The following PPP6R3 variants were observed in gnomAD, a reference collection of about 807,000 sequenced individuals.
PPP6R3 encodes protein phosphatase 6 regulatory subunit 3.
A neutral mutation model predicts 110.7 loss-of-function variants in PPP6R3; 38 were observed. The observed-to-expected ratio is 0.34, with a 90% confidence interval of 0.26 to 0.45. PPP6R3 has a LOEUF of 0.45. Ranked by LOEUF, PPP6R3 falls within the 20% of genes least tolerant of loss-of-function variation. The pLI is 1.00. For missense variants in PPP6R3, 870 were observed against 1,062.4 expected (o/e 0.82, Z 2.52); for synonymous variants, 369 against 373.5 (o/e 0.99, Z 0.14).
intron 19 of PPP6R3, among the ~76,000 whole-genome samples, chr11:68,599,974 T>G (rs757516400): frequency 2.0e-5 from 3 of 152,104 alleles, no homozygotes; most frequent in Admixed American, 1.3e-4. Context: ...TACAAAAAAT[T>G]AGCCAGGCGT....
At chr11:68,468,228 C>T (rs780757548) in intron 1 of PPP6R3, among the ~76,000 whole-genome samples, 20 of 152,188 alleles carry the variant, frequency 1.3e-4, no homozygotes, top group Non-Finnish European at 2.1e-4. Flanking sequence ...CTGGATTTTA[C>T]TTAGAATTCA....
At chr11:68,611,648 A>G (rs1310613546) in intron 23 of PPP6R3, among the ~76,000 whole-genome samples, 1 of 152,122 alleles carries the variant, frequency 6.6e-6, no homozygotes, top group Non-Finnish European at 1.5e-5. Flanking sequence ...ACGGACACCC[A>G]GTGGTCTCGG....
intron 1 of PPP6R3, among the ~76,000 whole-genome samples, chr11:68,519,236 C>T (rs926237254): frequency 6.6e-6 from 1 of 152,128 alleles, no homozygotes; most frequent in African/African-American, 2.4e-5. Flanking sequence ...TATTTTTCTT[C>T]TTCACTCATT....
chr11:68,474,131 A>G (rs1565249159), intron 1 of PPP6R3, among the ~76,000 whole-genome samples: 1 of 151,758 alleles, frequency 6.6e-6, no homozygotes, highest in South Asian at 2.1e-4. Context: ...TACAGCTTCA[A>G]ACTCCTGGGC....
chr11:68,600,379 A>G lies in PPP6R3; in HGVS notation c.2077A>G (p.Thr693Ala). ...AGCTAACTTTGATGTCCCAATGGAAACAACCCACGGTGCTCCATTGGATTC... is the reference window on the plus strand; with the variant it reads ...AGCTAACTTTGATGTCCCAATGGAAGCAACCCACGGTGCTCCATTGGATTC... Reference protein sequence around the residue: ...WSANFDVPMETTHGAPLDSVG... With the variant: ...WSANFDVPMEATHGAPLDSVG... Residue 693 changes from threonine (T) to alanine (A), a missense_variant, in exon 20 of 24, where the codon ACA (threonine) becomes GCA (alanine). Transcript: ENST00000393800. The G allele has an allele frequency of 6.2e-7, 1 of 1,614,102 alleles. No homozygotes were observed. Among genetic ancestry groups the G allele is most frequent in the East Asian group, 2.2e-5 (1 of 44,882 alleles).
intron 1 of PPP6R3, among the ~76,000 whole-genome samples, chr11:68,483,556 C>T (rs2098928780): frequency 6.7e-6 from 1 of 149,582 alleles, no homozygotes; most frequent in African/African-American, 2.5e-5. Flanking sequence ...GATCTCGGCT[C>T]ATTGTAACCT....
At chr11:68,474,560 T>C (rs934572062) in intron 1 of PPP6R3, among the ~76,000 whole-genome samples, 1 of 152,224 alleles carries the variant, frequency 6.6e-6, no homozygotes, top group African/African-American at 2.4e-5. Context: ...AGTTTTATTA[T>C]CAAGATTATT....
chr11:68,485,949 C>G (rs1429368753), intron 1 of PPP6R3, among the ~76,000 whole-genome samples: 1 of 151,324 alleles, frequency 6.6e-6, no homozygotes, highest in African/African-American at 2.4e-5. Flanking sequence ...GCAGACAGAT[C>G]ACTTGAGGCC....
intron 2 of PPP6R3, among the ~76,000 whole-genome samples, chr11:68,530,659 C>T (rs939713591): frequency 2.6e-5 from 4 of 152,184 alleles, no homozygotes; most frequent in African/African-American, 9.7e-5. Context: ...GTGACCTGTG[C>T]AGTCTCGCAT....
intron 1 of PPP6R3, among the ~76,000 whole-genome samples, chr11:68,496,007 C>A (rs1012604497): frequency 6.6e-6 from 1 of 152,112 alleles, no homozygotes; most frequent in Non-Finnish European, 1.5e-5. Context: ...TTTTTTGAGA[C>A]AGCGTCTCAC....
intron 19 of PPP6R3, among the ~76,000 whole-genome samples, chr11:68,596,649 G>C (rs948680602): frequency 6.6e-6 from 1 of 152,256 alleles, no homozygotes; most frequent in Non-Finnish European, 1.5e-5. Flanking sequence ...TGCGTTCTTC[G>C]TAGTTGATTT....
intron 7 of PPP6R3, among the ~76,000 whole-genome samples, chr11:68,556,922 G>C (rs951464990): frequency 6.6e-6 from 1 of 152,198 alleles, no homozygotes; most frequent in Non-Finnish European, 1.5e-5. Context: ...TTCTTTCATG[G>C]ATACAGTAGA....
chr11:68,513,106 C>T (rs1474215615), intron 1 of PPP6R3, among the ~76,000 whole-genome samples: 1 of 152,034 alleles, frequency 6.6e-6, no homozygotes, highest in Non-Finnish European at 1.5e-5. Context: ...GAGTTAGAGA[C>T]CACTGGCGTC....
At chr11:68,608,280 A>G (rs1259792498) in intron 22 of PPP6R3, among the ~76,000 whole-genome samples, 1 of 152,262 alleles carries the variant, frequency 6.6e-6, no homozygotes, top group East Asian at 1.9e-4. Context: ...AGATAAGTTT[A>G]TAGACAAGCC....
intron 1 of PPP6R3, among the ~76,000 whole-genome samples, chr11:68,472,960 T>C (rs759142621): frequency 3.9e-5 from 6 of 152,248 alleles, no homozygotes; most frequent in Non-Finnish European, 8.8e-5. Flanking sequence ...TTCAATTGTA[T>C]GGATATACCA....
At chr11:68,569,954 A>C in intron 11 of PPP6R3, 57 bp downstream of exon 11, 2 of 1,498,284 alleles carry the variant, frequency 1.3e-6, no homozygotes, top group Admixed American at 1.9e-5. Flanking sequence ...GCAGTTTTCC[A>C]CTTGACTGTG....
intron 1 of PPP6R3, among the ~76,000 whole-genome samples, chr11:68,503,241 C>G (rs1051687068): frequency 6.6e-6 from 1 of 152,208 alleles, no homozygotes; most frequent in African/African-American, 2.4e-5. Context: ...CGTGCCCGGC[C>G]TGGAGAAGAA....
rs747013483 is a variant in PPP6R3, at chr11:68,590,725, ACT to A, written c.1785+14_1785+15del. On this transcript the variant is annotated intron_variant, in intron 17 of 23. Coordinates refer to ENST00000393800, the MANE Select transcript of PPP6R3 (RefSeq NM_001164161.2). ...AATACAAATGAAAGTGTAAGTATAAACTCTGTTGTGAGCAGTGTGGCACATGA... is the reference window on the plus strand; with the variant it reads ...AATACAAATGAAAGTGTAAGTATAAACTGTTGTGAGCAGTGTGGCACATGA... The A allele has an allele frequency of 1.3e-6, 2 of 1,581,412 alleles. No homozygotes were observed. The highest frequency in any genetic ancestry group is 2.7e-5 in the African/African-American group (2 of 74,658).
intron 23 of PPP6R3, 134 bp downstream of exon 23, chr11:68,610,157 G>C: frequency 1.6e-6 from 2 of 1,225,072 alleles, no homozygotes; most frequent in South Asian, 3.1e-5. Flanking sequence ...GGCAGGACAG[G>C]GTTTTCTCAG....
Sources: gnomAD v4.1 joint callset for allele counts (sites outside exome capture counted in the v4.1 genomes callset) on GRCh38, gnomAD v4.1.1 for gene constraint, MANE v1.5 for transcripts, NCBI Gene and HGNC (gene_info 2026-07-23, HGNC 2026-07-21) for gene names.